Variants in OR51B5 observed in about 807,000 individuals in gnomAD.
OR51B5 encodes the protein olfactory receptor family 51 subfamily B member 5.
For synonymous variants in OR51B5, 186 were observed against 144.8 expected (o/e 1.28, Z -2.04); for missense variants, 456 against 374.6 (o/e 1.22, Z -1.79).
chr11:5,385,729 TCTA>T (rs72038332), intron 1 of OR51B5, among the ~76,000 whole-genome samples: 18,934 of 149,704 alleles, frequency 0.13, 1,302 homozygotes, highest in Non-Finnish European at 0.16. Context: ...TGTACAAATA[TCTA>T]ATATTTTTGT....
intron 1 of OR51B5, chr11:5,389,285 A>G (rs1206475671): frequency 9.9e-7 from 1 of 1,009,622 alleles, no homozygotes; most frequent in East Asian, 2.4e-5. Flanking sequence ...GGTGGAGTAG[A>G]TAATACTAAA....
intron 1 of OR51B5, among the ~76,000 whole-genome samples, chr11:5,360,430 A>G (rs1462359491): frequency 6.6e-6 from 1 of 151,280 alleles, no homozygotes; most frequent in Non-Finnish European, 1.5e-5. Flanking sequence ...ACAAATCAAA[A>G]CCACAGTGAG....
intron 1 of OR51B5, among the ~76,000 whole-genome samples, chr11:5,420,413 G>A (rs1397620975): frequency 6.6e-6 from 1 of 151,802 alleles, no homozygotes; most frequent in Non-Finnish European, 1.5e-5. Context: ...ATGCTTCTTT[G>A]TAGTTGTATT....
chr11:5,357,216 G>A (rs184878972), intron 1 of OR51B5, among the ~76,000 whole-genome samples: 23 of 152,176 alleles, frequency 1.5e-4, no homozygotes, highest in African/African-American at 5.5e-4. Context: ...TCAGTGTGCT[G>A]TATTCAGGAA....
At chr11:5,394,779 T>C (rs977714755) in intron 1 of OR51B5, among the ~76,000 whole-genome samples, 1 of 152,224 alleles carries the variant, frequency 6.6e-6, no homozygotes, top group Admixed American at 6.5e-5. Context: ...ACGTTAGTTT[T>C]TTTCACATCA....
intron 1 of OR51B5, among the ~76,000 whole-genome samples, chr11:5,353,609 A>AG (rs2133690136): frequency 6.6e-6 from 1 of 152,368 alleles, no homozygotes; most frequent in East Asian, 1.9e-4. Flanking sequence ...TCCTATGGCC[A>AG]GGTGAAGAGC....
intron 1 of OR51B5, among the ~76,000 whole-genome samples, chr11:5,498,518 TA>T (rs113573675): frequency 1.2e-4 from 18 of 151,490 alleles, no homozygotes; most frequent in Admixed American, 2.0e-4. Flanking sequence ...TTCTTCAAGG[TA>T]AAAAAAAATC....
At chr11:5,502,266 C>A (rs146401179) in intron 1 of OR51B5, among the ~76,000 whole-genome samples, 12 of 152,310 alleles carry the variant, frequency 7.9e-5, no homozygotes, top group Non-Finnish European at 1.6e-4. Context: ...CCTGACCTTG[C>A]ACTCACCTGT....
intron 1 of OR51B5, among the ~76,000 whole-genome samples, chr11:5,465,248 C>T (rs200803618): frequency 2.0e-5 from 3 of 148,912 alleles, no homozygotes; most frequent in African/African-American, 7.4e-5. Context: ...TATTTCTCCA[C>T]ATCCTCTCCA....
chr11:5,495,073 C>T (rs1851629374), intron 1 of OR51B5, among the ~76,000 whole-genome samples: 1 of 152,148 alleles, frequency 6.6e-6, no homozygotes, highest in South Asian at 2.1e-4. Flanking sequence ...ATTTTGCCAA[C>T]TACCCATAAA....
chr11:5,422,344 C>CA, intron 1 of OR51B5: 1 of 1,614,182 alleles, frequency 6.2e-7, no homozygotes, highest in Non-Finnish European at 8.5e-7. Context: ...CCACCATCCT[C>CA]ACTGTCATTC....
In OR51B5 at chr11:5,452,988, C is replaced by A. The variant is rs1197848418; in HGVS notation, n.84+52581G>T. Among the ~76,000 whole-genome samples the A allele has an allele frequency of 1.3e-5, 2 of 151,852 alleles. 1 individual carries two copies. Among genetic ancestry groups the A allele is most frequent in the Non-Finnish European group, 2.9e-5 (2 of 68,028 alleles). On this transcript the variant is annotated intron_variant and non_coding_transcript_variant, in intron 1 of 4. Transcript: ENST00000415970. ...CTCCATCCAAGCACACAACATGATA[C>A]AAAACTTGCTCTGGGAAAGTCTCTC...
chr11:5,449,717 T>A (rs1850816131), intron 1 of OR51B5, among the ~76,000 whole-genome samples: 1 of 152,122 alleles, frequency 6.6e-6, no homozygotes, highest in Non-Finnish European at 1.5e-5. Flanking sequence ...ACAGGAACGG[T>A]TCGGGAATCT....
intron 1 of OR51B5, chr11:5,352,502 G>C (rs1315062234): frequency 9.9e-6 from 11 of 1,107,514 alleles, no homozygotes; most frequent in Non-Finnish European, 1.4e-5. Flanking sequence ...GGATGACAAT[G>C]TTGCCAGCAT....
chr11:5,483,153 T>C (rs1327919747), intron 1 of OR51B5, among the ~76,000 whole-genome samples: 5 of 150,472 alleles, frequency 3.3e-5, no homozygotes, highest in Non-Finnish European at 5.9e-5. Flanking sequence ...GTGGCACATA[T>C]ACACCATGGA....
At chr11:5,372,218 C>T (rs532369117) in intron 1 of OR51B5, among the ~76,000 whole-genome samples, 1 of 152,152 alleles carries the variant, frequency 6.6e-6, no homozygotes, top group Non-Finnish European at 1.5e-5. Flanking sequence ...GTGAATAATG[C>T]TGCAATTAAC....
intron 1 of OR51B5, among the ~76,000 whole-genome samples, chr11:5,401,173 G>C (rs1472694274): frequency 6.6e-6 from 1 of 152,164 alleles, no homozygotes; most frequent in East Asian, 1.9e-4. Flanking sequence ...CCCAGGAAAA[G>C]AACATCCTTG....
At chr11:5,343,486 A>C (rs544747302) in exon 1 of OR51B5, 1 of 1,368,048 alleles carries the variant, frequency 7.3e-7, no homozygotes, top group South Asian at 1.2e-5. Context: ...CTGGAAAACC[A>C]GTCAATAGGA....
chr11:5,388,300 C>G (rs183549465), intron 1 of OR51B5, among the ~76,000 whole-genome samples: 9 of 151,586 alleles, frequency 5.9e-5, no homozygotes, highest in Admixed American at 1.3e-4. Flanking sequence ...AGAAGCAATA[C>G]AGAAATTGAC....
Sources: allele counts gnomAD v4.1 joint callset (sites outside exome capture counted in the v4.1 genomes callset), GRCh38; gene constraint gnomAD v4.1.1; transcripts MANE v1.5; gene names NCBI Gene and HGNC (gene_info 2026-07-23, HGNC 2026-07-21).